Variants in DEPTOR observed in about 807,000 individuals in gnomAD.
DEPTOR encodes the protein DEP domain containing MTOR interacting protein.
In DEPTOR, 41 loss-of-function variants were observed where a neutral mutation model predicts 41.6. The observed-to-expected ratio is 0.98, with a 90% CI of 0.77 to 1.28. The LOEUF (loss-of-function observed/expected upper bound fraction) is 1.28, where lower values mean the gene tolerates loss of function less well. Ranked by LOEUF, DEPTOR falls within the 50% of genes most tolerant of loss-of-function variation. DEPTOR has a pLI of 0.00. For missense variants in DEPTOR, 514 were observed against 527.9 expected (o/e 0.97, Z 0.26); for synonymous variants, 195 against 192.3 (o/e 1.01, Z -0.12).
chr8:119,912,437 G>T (rs1827757197), intron 1 of DEPTOR, among the ~76,000 whole-genome samples: 1 of 152,180 alleles, frequency 6.6e-6, no homozygotes, highest in Non-Finnish European at 1.5e-5. Context: ...TATGCAGTTG[G>T]GAATCAATAA....
At chr8:119,921,746 T>C (rs903054136) in intron 1 of DEPTOR, among the ~76,000 whole-genome samples, 2 of 145,422 alleles carry the variant, frequency 1.4e-5, no homozygotes, top group African/African-American at 5.3e-5. Context: ...TTCTATTCTG[T>C]AGTTTTTTTT....
rs1378846779 is a variant in DEPTOR, at chr8:120,050,629, T to C, written c.*925T>C. The C allele has an allele frequency of 6.6e-6, 1 of 152,208 alleles. No individual in the cohort carries two copies. Among genetic ancestry groups the C allele is most frequent in the Non-Finnish European group, 1.5e-5 (1 of 68,024 alleles). 9.4% of individuals were successfully genotyped at this position (152,208 alleles called of 1,614,324 possible). A position where few individuals can be genotyped will look rare whatever the true frequency, so the allele number is the denominator to read the frequency against. On this transcript the variant is annotated 3_prime_UTR_variant, in exon 9 of 9. Transcript: ENST00000286234. ...TTAGCCTGAATTTTTACTAGCTTTC[T>C]AGTGTAACATATTCTAAGGACATGA...
At chr8:120,043,266 AC>A (rs1170878284) in intron 8 of DEPTOR, among the ~76,000 whole-genome samples, 1 of 152,156 alleles carries the variant, frequency 6.6e-6, no homozygotes, top group Non-Finnish European at 1.5e-5. Flanking sequence ...GGCATGAGCC[AC>A]CGTGACTGGC....
intron 1 of DEPTOR, among the ~76,000 whole-genome samples, chr8:119,904,782 C>A (rs1257557072): frequency 1.3e-5 from 2 of 151,130 alleles, no homozygotes; most frequent in Non-Finnish European, 3.0e-5. Context: ...AGGCATGAGC[C>A]ATTTTGCACC....
intron 3 of DEPTOR, among the ~76,000 whole-genome samples, chr8:119,944,519 T>C (rs961622882): frequency 1.3e-5 from 2 of 151,952 alleles, no homozygotes; most frequent in African/African-American, 4.8e-5. Context: ...TTTCAGTCTG[T>C]CCAGCTTGAC....
rs540713548 is a variant in DEPTOR at position 120,041,629 on chromosome 8, T to C, written c.1102-7947T>C. Among the ~76,000 whole-genome samples the C allele has an allele frequency of 2.0e-4, 30 of 152,260 alleles. No homozygotes were observed. The East Asian group carries it at 3.9e-3, about 20-fold the overall frequency. ...CTCAGCTCACTACAACCTCTGCCTC[T>C]TGGGTTCAAGCAATTCTTGGGCCTC... On this transcript the variant is annotated intron_variant, in intron 8 of 8. Transcript: ENST00000286234.
chr8:120,008,426 G>C (rs1812478879), intron 7 of DEPTOR, among the ~76,000 whole-genome samples: 1 of 151,680 alleles, frequency 6.6e-6, no homozygotes, highest in Non-Finnish European at 1.5e-5. Flanking sequence ...TTACTCAGGA[G>C]GCTGAGGCAG....
intron 8 of DEPTOR, among the ~76,000 whole-genome samples, chr8:120,031,770 A>G (rs1023219623): frequency 2.6e-5 from 4 of 152,142 alleles, no homozygotes; most frequent in Non-Finnish European, 2.9e-5. Context: ...CAGCCTTGAT[A>G]CTGGGAGCTC....
At chr8:119,876,924 G>A (rs1265556103) in intron 1 of DEPTOR, among the ~76,000 whole-genome samples, 3 of 152,152 alleles carry the variant, frequency 2.0e-5, no homozygotes, top group Non-Finnish European at 4.4e-5. Flanking sequence ...AATAGTTCCT[G>A]GAATTAATTA....
intron 8 of DEPTOR, among the ~76,000 whole-genome samples, chr8:120,047,945 C>G (rs984114298): frequency 2.0e-5 from 3 of 151,778 alleles, no homozygotes; most frequent in Admixed American, 6.6e-5. Flanking sequence ...ACTCGGGAGG[C>G]TGAGGTGGGA....
At chr8:120,033,197 C>T (rs979696010) in intron 8 of DEPTOR, among the ~76,000 whole-genome samples, 1 of 150,482 alleles carries the variant, frequency 6.6e-6, no homozygotes, top group African/African-American at 2.4e-5. Flanking sequence ...AAGCAATTCT[C>T]CTGCCTCAGC....
At chr8:120,033,800 C>G (rs111574523) in intron 8 of DEPTOR, among the ~76,000 whole-genome samples, 2,268 of 152,278 alleles carry the variant, frequency 0.015, 51 homozygotes, top group African/African-American at 0.051. Flanking sequence ...ATGGAGCACT[C>G]TCTTAAGCCT....
chr8:120,049,735 T>A lies in DEPTOR; in HGVS notation c.*31T>A. On this transcript the variant is annotated 3_prime_UTR_variant, in exon 9 of 9. Transcript: ENST00000286234. The stretch of plus-strand genomic sequence containing the variant: ...TGGGCCTCCCAGCCCTCCAGTGGCC[T>A]GTGGGTGAGGGAAGCCAGAATGACA... 6.2e-7 allele frequency: 1 copy of A among 1,611,596 alleles called. No individual in the cohort carries two copies. The highest frequency in any genetic ancestry group is 8.5e-7 in the Non-Finnish European group (1 of 1,178,636).
In DEPTOR at chr8:120,042,094, GAAA is replaced by G. The variant is rs76331772; in HGVS notation, c.1102-7470_1102-7468del. On this transcript the variant is annotated intron_variant, in intron 8 of 8. Coordinates refer to ENST00000286234, the MANE Select transcript of DEPTOR (RefSeq NM_022783.4). The stretch of plus-strand genomic sequence containing the variant: ...CAGATCCGATAAAGATAATTATAAG[GAAA>G]AAAAAAAAAAAGTATTGCAACCTTA... Among the ~76,000 whole-genome samples, 150 of 146,070 alleles carry G rather than the reference GAAA, an allele frequency of 1.0e-3. 1 individual carries two copies. Among genetic ancestry groups the G allele is most frequent in the Non-Finnish European group, 8.6e-4 (57 of 66,124 alleles).
intron 2 of DEPTOR, among the ~76,000 whole-genome samples, chr8:119,929,102 G>T (rs1828006501): frequency 1.3e-5 from 2 of 151,960 alleles, no homozygotes; most frequent in South Asian, 4.2e-4. Flanking sequence ...GTATAATTAT[G>T]CCACTATACA....
rs993469330 is a variant in DEPTOR, at chr8:119,894,685, C to T, written c.122+20717C>T. 5.9e-5 allele frequency among the ~76,000 whole-genome samples: 9 copies of T among 151,960 alleles called. No homozygotes were observed. In the South Asian group the frequency reaches 6.2e-4, roughly 11 times the overall value. ...TGCTAAGATTACAGGCGTGAGCCAA[C>T]GCGCCTGGCCTCTAATAGTTCTTAA... On this transcript the variant is annotated intron_variant, in intron 1 of 8. Coordinates refer to ENST00000286234, the MANE Select transcript of DEPTOR (RefSeq NM_022783.4).
At chr8:119,888,858 CAAAAAAA>C (rs34471575) in intron 1 of DEPTOR, among the ~76,000 whole-genome samples, 2 of 63,864 alleles carry the variant, frequency 3.1e-5, no homozygotes, top group Admixed American at 2.3e-4. Flanking sequence ...TCTGTCTCAG[CAAAAAAA>C]AAAAAAAAAA....
At chr8:119,976,118 T>C (rs1002856504) in intron 4 of DEPTOR, among the ~76,000 whole-genome samples, 2 of 151,796 alleles carry the variant, frequency 1.3e-5, no homozygotes, top group African/African-American at 4.8e-5. Flanking sequence ...TGCCTGGCCC[T>C]CCCAAAATGC....
intron 4 of DEPTOR, among the ~76,000 whole-genome samples, chr8:119,991,316 C>CT (rs539172151): frequency 2.0e-5 from 3 of 151,658 alleles, no homozygotes; most frequent in Non-Finnish European, 2.9e-5. Flanking sequence ...AGGGCCTGGT[C>CT]TTTTTTTGTT....
Sources: gnomAD v4.1 joint callset for allele counts (sites outside exome capture counted in the v4.1 genomes callset) on GRCh38, gnomAD v4.1.1 for gene constraint, MANE v1.5 for transcripts, NCBI Gene and HGNC (gene_info 2026-07-23, HGNC 2026-07-21) for gene names.